THSD4: variants seen among roughly 807,000 people sequenced by gnomAD.
The protein encoded by THSD4 is thrombospondin type-1 domain-containing protein 4.
Under a neutral mutation model 119.0 loss-of-function variants are expected in THSD4, and 69 were observed. That is an observed-to-expected ratio of 0.58 (90% CI 0.48 to 0.71). The LOEUF (loss-of-function observed/expected upper bound fraction) is 0.71, where lower values mean the gene tolerates loss of function less well. Among genes scored for constraint, THSD4 ranks in the 30% least tolerant of loss-of-function variants. THSD4 has a pLI of 0.00. For synonymous variants in THSD4, 524 were observed against 540.4 expected, an observed-to-expected ratio of 0.97 and a Z score of 0.42; for missense variants, 1,393 against 1,391.1, an observed-to-expected ratio of 1.00 and a Z score of -0.02.
intron 7 of THSD4, among the ~76,000 whole-genome samples, chr15:71,634,460 A>G (rs891451156): frequency 1.3e-5 from 2 of 152,244 alleles, no homozygotes; most frequent in African/African-American, 4.8e-5. Flanking sequence ...TGCCATCTTT[A>G]GAATGAGTAT....
chr15:71,712,151 A>G (rs2052529490), intron 8 of THSD4, among the ~76,000 whole-genome samples: 2 of 152,236 alleles, frequency 1.3e-5, no homozygotes, highest in Admixed American at 6.5e-5. Flanking sequence ...GCTATAATAT[A>G]AACATCGCTT....
At position 71,512,736 on chromosome 15, in the gene THSD4, T is replaced by C. The variant is rs532121679; in HGVS notation, c.1152+100913T>C. ...AAAAACAATACTAGAATTCTTTTCC[T>C]TTTTTTTCTTTTTTTTAAGAAATAA... On this transcript the variant is annotated intron_variant, in intron 7 of 17. Transcript: ENST00000261862. Among the ~76,000 whole-genome samples the C allele has an allele frequency of 3.8e-3, 567 of 148,300 alleles. 3 individuals are homozygous for C. The highest frequency in any genetic ancestry group is 0.013 in the African/African-American group (543 of 41,220).
chr15:71,411,106 A>G (rs1459617541), intron 6 of THSD4, among the ~76,000 whole-genome samples: 1 of 152,186 alleles, frequency 6.6e-6, no homozygotes, highest in Non-Finnish European at 1.5e-5. Context: ...GGTTGGTGCA[A>G]AAGTAATTGT....
chr15:71,722,465 T>C (rs1257899885), intron 8 of THSD4, among the ~76,000 whole-genome samples: 1 of 152,214 alleles, frequency 6.6e-6, no homozygotes. Context: ...GTCTTTCAAA[T>C]GGTTCTTTAA....
rs1049559594 is a variant in THSD4, at chr15:71,603,267, G to GA, written c.1153-57255dup. Among the ~76,000 whole-genome samples, 15 of 151,992 alleles carry GA rather than the reference G, an allele frequency of 9.9e-5. No homozygotes were observed. The South Asian group carries it at 1.3e-3, about 13-fold the overall frequency. On this transcript the variant is annotated intron_variant, in intron 7 of 17. Transcript: ENST00000261862. ...GGGAATGGAATTTACTGGGCAAAAA[G>GA]AAAAAAAACTCTCTGCAAAGCAAGA...
intron 3 of THSD4, among the ~76,000 whole-genome samples, chr15:71,199,265 C>T (rs557113279): frequency 6.6e-6 from 1 of 152,204 alleles, no homozygotes. Flanking sequence ...TCCCCTTCCT[C>T]CTTTCAATTG....
chr15:71,532,873 G>C (rs7168283), intron 7 of THSD4, among the ~76,000 whole-genome samples: 40,784 of 152,134 alleles, frequency 0.27, 6,217 homozygotes, highest in East Asian at 0.62. Flanking sequence ...CCAATGAGTT[G>C]GTTGGCTCTG....
intron 6 of THSD4, among the ~76,000 whole-genome samples, chr15:71,338,357 G>T (rs1311896564): frequency 6.6e-6 from 1 of 151,350 alleles, no homozygotes; most frequent in East Asian, 2.0e-4. Context: ...CATGTAGCAT[G>T]ATAAACACTC....
At chr15:71,768,731 A>AT (rs888453341) in intron 16 of THSD4, among the ~76,000 whole-genome samples, 2 of 149,884 alleles carry the variant, frequency 1.3e-5, no homozygotes, top group Non-Finnish European at 3.0e-5. Flanking sequence ...TGCACGGCTA[A>AT]TTTTTTTGTA....
At chr15:71,099,392 C>T (rs2040244803) in intron 1 of THSD4, among the ~76,000 whole-genome samples, 2 of 152,152 alleles carry the variant, frequency 1.3e-5, no homozygotes, top group South Asian at 4.1e-4. Flanking sequence ...ACTTTATGGG[C>T]TTGTCATTTC....
At chr15:71,566,362 C>G (rs1272939756) in intron 7 of THSD4, among the ~76,000 whole-genome samples, 1 of 152,126 alleles carries the variant, frequency 6.6e-6, no homozygotes, top group African/African-American at 2.4e-5. Flanking sequence ...TTCCTTAATT[C>G]AGGATCAGCC....
chr15:71,621,724 A>G (rs2050421962), intron 7 of THSD4, among the ~76,000 whole-genome samples: 1 of 152,232 alleles, frequency 6.6e-6, no homozygotes, highest in Non-Finnish European at 1.5e-5. Flanking sequence ...ATTCTTGTAG[A>G]AGTTCAAGTC....
chr15:71,190,038 A>G (rs1596258657), intron 3 of THSD4, among the ~76,000 whole-genome samples: 1 of 152,144 alleles, frequency 6.6e-6, no homozygotes, highest in East Asian at 1.9e-4. Context: ...CTAGGATTAG[A>G]AGAGCTAGAC....
intron 7 of THSD4, among the ~76,000 whole-genome samples, chr15:71,568,575 TTTTTTTG>T (rs199631327): frequency 0.15 from 21,641 of 145,890 alleles, 1,842 homozygotes; most frequent in East Asian, 0.46. Flanking sequence ...TCTCTTTTTT[TTTTTTTG>T]TTTTTTGTTT....
At chr15:71,512,011 A>T (rs1180237149) in intron 7 of THSD4, among the ~76,000 whole-genome samples, 4 of 152,168 alleles carry the variant, frequency 2.6e-5, no homozygotes, top group African/African-American at 9.7e-5. Flanking sequence ...AATGTTATGT[A>T]ATGACCTATT....
intron 17 of THSD4, among the ~76,000 whole-genome samples, chr15:71,775,890 C>T (rs2053904187): frequency 6.6e-6 from 1 of 151,912 alleles, no homozygotes; most frequent in Non-Finnish European, 1.5e-5. Context: ...CAGAATAGGC[C>T]AGAAATACAC....
At chr15:71,383,870 C>T (rs924982452) in intron 6 of THSD4, among the ~76,000 whole-genome samples, 1 of 152,052 alleles carries the variant, frequency 6.6e-6, no homozygotes, top group African/African-American at 2.4e-5. Flanking sequence ...AGAGGATGTA[C>T]GTAGTTTATA....
At chr15:71,265,240 C>G (rs768817019) in intron 6 of THSD4, among the ~76,000 whole-genome samples, 2 of 152,034 alleles carry the variant, frequency 1.3e-5, no homozygotes, top group Non-Finnish European at 2.9e-5. Context: ...TTCTGCATTT[C>G]CAACTGAGGT....
intron 7 of THSD4, among the ~76,000 whole-genome samples, chr15:71,454,916 T>C (rs1427886162): frequency 6.6e-6 from 1 of 152,190 alleles, no homozygotes; most frequent in Non-Finnish European, 1.5e-5. Context: ...ATAAACACTC[T>C]CTCCTTCCAA....
Sources: gnomAD v4.1 joint callset for allele counts (sites outside exome capture counted in the v4.1 genomes callset) on GRCh38, gnomAD v4.1.1 for gene constraint, MANE v1.5 for transcripts, NCBI Gene and HGNC (gene_info 2026-07-23, HGNC 2026-07-21) for gene names.